The following NHSL1 variants were observed in gnomAD, a reference collection of about 807,000 sequenced individuals.
NHSL1 encodes the protein NHS-like protein 1.
Under a neutral mutation model 95.0 loss-of-function variants are expected in NHSL1, and 48 were observed. The ratio of observed to expected loss-of-function variants is 0.51; its 90% CI spans 0.40 to 0.64. The LOEUF (loss-of-function observed/expected upper bound fraction) is 0.64. Among genes scored for constraint, NHSL1 ranks in the 30% least tolerant of loss-of-function variants. NHSL1 has a pLI of 0.00. For synonymous variants in NHSL1, 783 were observed against 833.9 expected, an observed-to-expected ratio of 0.94 and a Z score of 1.05; for missense variants, 1,971 against 2,077.7, an observed-to-expected ratio of 0.95 and a Z score of 1.00.
chr6:138,480,382 A>G (rs1779345318), intron 2 of NHSL1, among the ~76,000 whole-genome samples: 3 of 152,204 alleles, frequency 2.0e-5, no homozygotes, highest in African/African-American at 7.2e-5. Flanking sequence ...GGCTGACTGT[A>G]TTGAAAAAAT....
intron 5 of NHSL1, among the ~76,000 whole-genome samples, chr6:138,435,775 T>C (rs1776052824): frequency 6.6e-6 from 1 of 151,616 alleles, no homozygotes; most frequent in South Asian, 2.1e-4. Context: ...GTGGCAACCC[T>C]GTGTTGAGCA....
At chr6:138,682,703 G>A (rs1046505498) in intron 1 of NHSL1, among the ~76,000 whole-genome samples, 1 of 152,140 alleles carries the variant, frequency 6.6e-6, no homozygotes, top group Non-Finnish European at 1.5e-5. Flanking sequence ...CGGCCTAGAT[G>A]GGTGTTTCCC....
intron 1 of NHSL1, among the ~76,000 whole-genome samples, chr6:138,523,634 A>AC (rs1781777170): frequency 7.2e-6 from 1 of 138,076 alleles, no homozygotes; most frequent in East Asian, 2.4e-4. Flanking sequence ...GAGGAAAAAA[A>AC]AAAAAAAAAA....
At chr6:138,558,104 A>C (rs1783261419) in intron 1 of NHSL1, among the ~76,000 whole-genome samples, 1 of 152,154 alleles carries the variant, frequency 6.6e-6, no homozygotes, top group Non-Finnish European at 1.5e-5. Context: ...AAGTATCTCT[A>C]ACCAATTACC....
At chr6:138,457,791 C>T (rs1033604266) in intron 3 of NHSL1, among the ~76,000 whole-genome samples, 2 of 151,976 alleles carry the variant, frequency 1.3e-5, no homozygotes, top group East Asian at 1.9e-4. Context: ...GGGCGGATCA[C>T]GAGGTCAGGA....
intron 1 of NHSL1, among the ~76,000 whole-genome samples, chr6:138,517,302 TTGTCAGAC>T (rs2128305659): frequency 6.6e-6 from 1 of 152,358 alleles, no homozygotes; most frequent in African/African-American, 2.4e-5. Flanking sequence ...ATTGCCTGCA[TTGTCAGAC>T]TGATTTTTTT....
At position 138,428,360 on chromosome 6, in the gene NHSL1, G is replaced by A. The variant is rs183999234; in HGVS notation, c.4085+1351C>T. Among the ~76,000 whole-genome samples the A allele has an allele frequency of 2.7e-3, 417 of 152,314 alleles. 5 individuals are homozygous for A. Among genetic ancestry groups the A allele is most frequent in the Admixed American group, 0.019 (298 of 15,300 alleles). Reference sequence around the variant, plus strand: ...ATTGAGTGCTTCTTATGTGTCTAGCGTGGTTAAGAGTTAGAAACATCTATG... The same window carrying A: ...ATTGAGTGCTTCTTATGTGTCTAGCATGGTTAAGAGTTAGAAACATCTATG... On this transcript the variant is annotated intron_variant, in intron 7 of 7. Coordinates refer to ENST00000343505, the MANE Select transcript of NHSL1 (RefSeq NM_001144060.2).
intron 5 of NHSL1, among the ~76,000 whole-genome samples, chr6:138,438,976 A>T (rs1776359073): frequency 6.6e-6 from 1 of 152,194 alleles, no homozygotes; most frequent in South Asian, 2.1e-4. Context: ...ATTTAAGATA[A>T]AAGAAAAAAT....
intron 7 of NHSL1, among the ~76,000 whole-genome samples, chr6:138,429,409 G>T (rs1303029367): frequency 6.6e-6 from 1 of 152,150 alleles, no homozygotes; most frequent in Non-Finnish European, 1.5e-5. Context: ...TCCGACTCTT[G>T]CTAATATACT....
intron 1 of NHSL1, among the ~76,000 whole-genome samples, chr6:138,510,957 T>C (rs1434468641): frequency 2.0e-5 from 3 of 152,164 alleles, no homozygotes; most frequent in South Asian, 2.1e-4. Context: ...TATTCCCTGT[T>C]ATTAGAGGGC....
At chr6:138,449,611 A>AGGCTGC (rs1777099956) in intron 3 of NHSL1, among the ~76,000 whole-genome samples, 1 of 151,960 alleles carries the variant, frequency 6.6e-6, no homozygotes. Flanking sequence ...CGGGAGGCTG[A>AGGCTGC]GGCTGCGGTG....
chr6:138,620,585 A>G (rs564982187), intron 1 of NHSL1, among the ~76,000 whole-genome samples: 26 of 152,356 alleles, frequency 1.7e-4, no homozygotes, highest in African/African-American at 5.0e-4. Context: ...AAACAATTTT[A>G]CTAAAAATGT....
At chr6:138,434,265 T>A (rs1775917919) in intron 5 of NHSL1, among the ~76,000 whole-genome samples, 1 of 152,222 alleles carries the variant, frequency 6.6e-6, no homozygotes, top group African/African-American at 2.4e-5. Flanking sequence ...GAAGCCATTA[T>A]CTGTCTGTTG....
intron 1 of NHSL1, among the ~76,000 whole-genome samples, chr6:138,691,388 C>T (rs2114809961): frequency 6.6e-6 from 1 of 152,262 alleles, no homozygotes; most frequent in East Asian, 1.9e-4. Context: ...AGCAATCTCA[C>T]TGAAATTAAA....
intron 1 of NHSL1, among the ~76,000 whole-genome samples, chr6:138,521,083 T>G (rs1045011571): frequency 6.6e-6 from 1 of 152,172 alleles, no homozygotes; most frequent in African/African-American, 2.4e-5. Context: ...TCTGCACAAG[T>G]GCACACCTAT....
intron 1 of NHSL1, among the ~76,000 whole-genome samples, chr6:138,562,911 A>C (rs1783467553): frequency 6.6e-6 from 1 of 152,212 alleles, no homozygotes; most frequent in African/African-American, 2.4e-5. Flanking sequence ...AGTGCAAAGC[A>C]CTTGAAAAAG....
chr6:138,658,622 G>T (rs905619499), intron 1 of NHSL1, among the ~76,000 whole-genome samples: 39 of 152,062 alleles, frequency 2.6e-4, no homozygotes, highest in African/African-American at 9.2e-4. Flanking sequence ...CCATATCTTG[G>T]TATTGCAAAT....
intron 1 of NHSL1, among the ~76,000 whole-genome samples, chr6:138,529,916 T>C (rs1782067156): frequency 6.6e-6 from 1 of 152,204 alleles, no homozygotes; most frequent in Non-Finnish European, 1.5e-5. Flanking sequence ...CTGACAGACA[T>C]GGCAGGAATA....
intron 4 of NHSL1, among the ~76,000 whole-genome samples, chr6:138,442,714 C>T (rs191939208): frequency 6.6e-6 from 1 of 152,236 alleles, no homozygotes; most frequent in African/African-American, 2.4e-5. Context: ...CACAATGAGA[C>T]CCAGTAGCGC....
Sources: allele counts gnomAD v4.1 joint callset (sites outside exome capture counted in the v4.1 genomes callset), GRCh38; gene constraint gnomAD v4.1.1; transcripts MANE v1.5; gene names NCBI Gene and HGNC (gene_info 2026-07-23, HGNC 2026-07-21).